The following KIF3C variants were observed in gnomAD, a reference collection of about 807,000 sequenced individuals.
The protein encoded by KIF3C is kinesin-like protein KIF3C.
In KIF3C, 12 loss-of-function variants were observed where a neutral mutation model predicts 67.7. The observed-to-expected ratio is 0.18, with a 90% confidence interval of 0.11 to 0.29. KIF3C has a LOEUF of 0.29. Among genes scored for constraint, KIF3C ranks in the 10% least tolerant of loss-of-function variants. The pLI is 1.00. For missense variants in KIF3C, 789 were observed against 1,059.6 expected (o/e 0.74, Z 3.55); for synonymous variants, 393 against 426.2 (o/e 0.92, Z 0.96).
chr2:25,930,758 C>T (rs1206451974), intron 5 of KIF3C, among the ~76,000 whole-genome samples: 5 of 152,084 alleles, frequency 3.3e-5, no homozygotes, highest in Admixed American at 6.6e-5. Context: ...AGGCTGGTCT[C>T]GAACTCCCGA....
intron 5 of KIF3C, among the ~76,000 whole-genome samples, chr2:25,950,942 AAAT>A (rs1374420730): frequency 2.0e-5 from 3 of 152,146 alleles, no homozygotes; most frequent in African/African-American, 7.2e-5. Context: ...AGGAAAAAAA[AAAT>A]AACCAAGTAG....
At position 25,958,491 on chromosome 2, in the gene KIF3C, G is replaced by A. The variant is rs1478340204; in HGVS notation, c.1546-2047C>T. On this transcript the variant is annotated intron_variant, in intron 1 of 7. Transcript: ENST00000264712. This position sits in a 1 kb window ranked among gnomAD's most constrained non-coding sequence, Gnocchi z 4.5. ...AGATACTCAGGAGGCTGAGGCAGGA[G>A]AATCGGTTGAACTAGGGAGGCAGAG... 6.6e-6 allele frequency among the ~76,000 whole-genome samples: 1 copy of A among 152,144 alleles called. No homozygotes were observed. Among genetic ancestry groups the A allele is most frequent in the African/African-American group, 2.4e-5 (1 of 41,432 alleles).
At position 25,982,084 on chromosome 2, in the gene KIF3C, G is replaced by C. The variant is rs1664612454; in HGVS notation, c.-167C>G. On this transcript the variant is annotated 5_prime_UTR_variant, in exon 1 of 8. Transcript: ENST00000264712. ...GACGCTGGGAGGTGGCCCCAACGCT[G>C]CTGCAGTCCGGGCCTCCACCGCTCT... 2 of 564,664 alleles carry C rather than the reference G, an allele frequency of 3.5e-6. No individual in the cohort carries two copies. The highest frequency in any genetic ancestry group is 3.8e-5 in the African/African-American group (2 of 52,876). 35.0% of individuals were successfully genotyped at this position (564,664 alleles called of 1,614,324 possible).
At position 25,961,450 on chromosome 2, in the gene KIF3C, G is replaced by A. The variant is rs541252052; in HGVS notation, c.1546-5006C>T. Among the ~76,000 whole-genome samples the A allele has an allele frequency of 3.3e-5, 5 of 152,274 alleles. No homozygotes were observed. In the South Asian group the frequency reaches 1.0e-3, roughly 32 times the overall value. On this transcript the variant is annotated intron_variant, in intron 1 of 7. Coordinates refer to ENST00000264712, the MANE Select transcript of KIF3C (RefSeq NM_002254.8). ...ACAACAGAATTTCTAGCCTATGTGA[G>A]CTGACAAAAAATGGCAGATGAGCAT...
Position 25,981,703 on chromosome 2 carries a change from T to G in KIF3C, c.215A>C (p.Asp72Ala). The change falls in exon 1 of 8, where the codon GAC becomes GCC. Residue 72 changes from aspartate to alanine, a missense_variant. Asp to Ala is a moderately radical substitution (Grantham distance 126). Coordinates refer to ENST00000264712, the MANE Select transcript of KIF3C (RefSeq NM_002254.8). This position sits in a 1 kb window ranked among gnomAD's most constrained non-coding sequence, Gnocchi z 8.2. The stretch of plus-strand genomic sequence containing the variant: ...GGGCCTCACGGTTTCGTCATACAGG[T>G]CGGCCTGCTTGGAGCTGGCATCATA... ...AVYDASSKQADLYDETVRPLI... is the reference protein window; with the variant it reads ...AVYDASSKQAALYDETVRPLI... 6.2e-7 allele frequency: 1 copy of G among 1,613,858 alleles called. No homozygotes were observed. Among genetic ancestry groups the G allele is most frequent in the Non-Finnish European group, 8.5e-7 (1 of 1,179,874 alleles).
chr2:25,930,110 C>G (rs777631630), intron 5 of KIF3C, 47 bp from the exon 6 acceptor site: 14 of 1,439,124 alleles, frequency 9.7e-6, no homozygotes, highest in Non-Finnish European at 1.4e-5. Flanking sequence ...GGAACACAAA[C>G]AGCAAATGAC....
chr2:25,965,492 A>G (rs1286245457), intron 1 of KIF3C, among the ~76,000 whole-genome samples: 1 of 151,250 alleles, frequency 6.6e-6, no homozygotes, highest in Admixed American at 6.6e-5. Flanking sequence ...TTTTCTTTTG[A>G]GACACGGGAT....
intron 5 of KIF3C, among the ~76,000 whole-genome samples, chr2:25,937,076 C>T (rs542995107): frequency 6.6e-6 from 1 of 152,220 alleles, no homozygotes; most frequent in African/African-American, 2.4e-5. Context: ...ACACCTGCCA[C>T]AGGGCTTAAC....
At chr2:25,962,964 T>TA (rs1245844244) in intron 1 of KIF3C, among the ~76,000 whole-genome samples, 4 of 32,720 alleles carry the variant, frequency 1.2e-4, no homozygotes, top group East Asian at 3.7e-3. Context: ...ATATAATATA[T>TA]ATAATATATA....
At chr2:25,953,551 G>A (rs1334303449) in intron 4 of KIF3C, among the ~76,000 whole-genome samples, 6 of 151,754 alleles carry the variant, frequency 4.0e-5, no homozygotes, top group Non-Finnish European at 7.4e-5. Context: ...TAGTAGAGGC[G>A]GAGTTTCTCC....
In KIF3C at chr2:25,927,027, C is replaced by T. The variant is rs1376448216; in HGVS notation, c.*1951G>A. The T allele has an allele frequency of 2.0e-5, 3 of 152,530 alleles. No homozygotes were observed. The highest frequency in any genetic ancestry group is 6.6e-5 in the Admixed American group (1 of 15,242). 9.4% of individuals were successfully genotyped at this position (152,530 alleles called of 1,614,324 possible). On this transcript the variant is annotated 3_prime_UTR_variant, in exon 8 of 8. Transcript: ENST00000264712. ...AGAGTGTCCCCTGTGGAGGTAAACA[C>T]GCACACAAACACGCACACACATACA... is the stretch of plus-strand genomic sequence containing the variant.
intron 7 of KIF3C, 94 bp downstream of exon 7, chr2:25,929,211 C>T (rs1046563021): frequency 3.0e-5 from 44 of 1,476,664 alleles, no homozygotes; most frequent in African/African-American, 4.2e-5. Context: ...TCCTGCCCTT[C>T]GGGTACCAGC....
chr2:25,932,070 C>T (rs566632109), intron 5 of KIF3C, among the ~76,000 whole-genome samples: 4 of 148,612 alleles, frequency 2.7e-5, no homozygotes, highest in South Asian at 2.1e-4. Context: ...GGCACAACCT[C>T]GGCTCACTGC....
chr2:25,966,121 T>C (rs1664133276), intron 1 of KIF3C, among the ~76,000 whole-genome samples: 1 of 152,092 alleles, frequency 6.6e-6, no homozygotes, highest in Non-Finnish European at 1.5e-5. Context: ...TCTTTTTTTT[T>C]TTTTAAGACA....
rs1442819503 is a variant in KIF3C, at chr2:25,955,169, G to A, written c.1770+372C>T. On this transcript the variant is annotated intron_variant, in intron 3 of 7. Coordinates refer to ENST00000264712, the MANE Select transcript of KIF3C (RefSeq NM_002254.8). This position sits in a 1 kb window ranked among gnomAD's most constrained non-coding sequence, Gnocchi z 5.0. Reference sequence around the variant, plus strand: ...TTACACTCCCCACCTGAGCTTCCCGGGGTTCCAGTCTCCTCCTCAGCCTCT... The same window carrying A: ...TTACACTCCCCACCTGAGCTTCCCGAGGTTCCAGTCTCCTCCTCAGCCTCT... Among the ~76,000 whole-genome samples the A allele has an allele frequency of 6.6e-6, 1 of 152,084 alleles. No individual in the cohort carries two copies. Among genetic ancestry groups the A allele is most frequent in the Non-Finnish European group, 1.5e-5 (1 of 68,022 alleles).
At position 25,929,322 on chromosome 2, in the gene KIF3C, G is replaced by A; in HGVS notation, c.2271C>T (p.Val757=). The A allele has an allele frequency of 6.2e-7, 1 of 1,614,058 alleles. No homozygotes were observed. The highest frequency in any genetic ancestry group is 1.7e-5 in the Admixed American group (1 of 60,006). ...GTACTGACCAGGATCTGGACTTTCGGACTTTAGACGTGGAAGGTCTTTCCA... is the reference window on the plus strand; with the variant it reads ...GTACTGACCAGGATCTGGACTTTCGAACTTTAGACGTGGAAGGTCTTTCCA... ...SFLERPSTSK[V]RKSRSWCQSP... The change falls in exon 7 of 8, where the codon GTC becomes GTT. Residue 757 remains valine (V), a synonymous_variant. Transcript: ENST00000264712.
chr2:25,952,563 A>ATAT (rs1339847641), intron 4 of KIF3C, among the ~76,000 whole-genome samples: 3 of 103,662 alleles, frequency 2.9e-5, no homozygotes, highest in Non-Finnish European at 6.2e-5. Context: ...ATATATATAT[A>ATAT]TTTTTTTTTT....
intron 5 of KIF3C, among the ~76,000 whole-genome samples, chr2:25,936,715 T>C (rs2149223601): frequency 6.6e-6 from 1 of 152,296 alleles, no homozygotes; most frequent in Non-Finnish European, 1.5e-5. Context: ...GTCAATTGCT[T>C]TTCAAAGTGA....
chr2:25,981,705 G>T lies in KIF3C; in HGVS notation c.213C>A (p.Ala71=), dbSNP rs1353896400. 6.2e-7 allele frequency: 1 copy of T among 1,613,836 alleles called. No homozygotes were observed. The highest frequency in any genetic ancestry group is 2.2e-5 in the East Asian group (1 of 44,870). Residue 71 remains alanine (A), a synonymous_variant, in exon 1 of 8, where the codon GCC becomes GCA. Coordinates refer to ENST00000264712, the MANE Select transcript of KIF3C (RefSeq NM_002254.8). This position sits in a 1 kb window ranked among gnomAD's most constrained non-coding sequence, Gnocchi z 8.2. The stretch of plus-strand genomic sequence containing the variant: ...GCCTCACGGTTTCGTCATACAGGTC[G>T]GCCTGCTTGGAGCTGGCATCATACA... ...DAVYDASSKQ[A]DLYDETVRPL...
Sources: allele counts gnomAD v4.1 joint callset (sites outside exome capture counted in the v4.1 genomes callset), GRCh38; gene constraint gnomAD v4.1.1; non-coding constraint Gnocchi (gnomAD v3.1); transcripts MANE v1.5; gene names NCBI Gene and HGNC (gene_info 2026-07-23, HGNC 2026-07-21).